CTCF: variants seen among roughly 807,000 people sequenced by gnomAD.
The protein encoded by CTCF is transcriptional repressor CTCF.
In CTCF, 7 loss-of-function variants were observed where a neutral mutation model predicts 72.3. The ratio of observed to expected loss-of-function variants is 0.10; its 90% CI spans 0.06 to 0.18. The LOEUF (loss-of-function observed/expected upper bound fraction) is 0.18, where lower values mean the gene tolerates loss of function less well. Ranked by LOEUF, CTCF falls within the 10% of genes least tolerant of loss-of-function variation. The pLI is 1.00. For missense variants in CTCF, 516 were observed against 949.1 expected (o/e 0.54, Z 6.00); for synonymous variants, 374 against 315.8 (o/e 1.18, Z -1.95).
At chr16:67,624,125 GTA>G (rs1157876040) in intron 7 of CTCF, among the ~76,000 whole-genome samples, 15 of 124,890 alleles carry the variant, frequency 1.2e-4, no homozygotes, top group African/African-American at 3.1e-4. Context: ...GTATGTGTGT[GTA>G]TATATATGTG....
chr16:67,602,720 A>C (rs1268409765), intron 2 of CTCF, among the ~76,000 whole-genome samples: 1 of 151,950 alleles, frequency 6.6e-6, no homozygotes, highest in African/African-American at 2.4e-5. Flanking sequence ...GCATGCCTGT[A>C]ATCCCAGCTA....
chr16:67,600,705 G>A (rs950020542), intron 2 of CTCF, among the ~76,000 whole-genome samples: 7 of 152,078 alleles, frequency 4.6e-5, no homozygotes, highest in South Asian at 2.1e-4. Context: ...ATAGAGCAAA[G>A]CCATATATAG....
At chr16:67,637,524 C>T (rs932488025) in intron 11 of CTCF, among the ~76,000 whole-genome samples, 164 bp from the exon 12 acceptor site, 1 of 152,138 alleles carries the variant, frequency 6.6e-6, no homozygotes, top group African/African-American at 2.4e-5. Context: ...GAGCAAGACT[C>T]CGTCTCAAAA....
intron 4 of CTCF, chr16:67,615,102 A>G (rs2052114226): frequency 6.6e-6 from 1 of 152,248 alleles, no homozygotes; most frequent in East Asian, 1.9e-4. Context: ...AAATCATGCT[A>G]CTGCACTACA....
intron 2 of CTCF, among the ~76,000 whole-genome samples, chr16:67,575,732 C>T (rs894309565): frequency 2.0e-5 from 3 of 152,106 alleles, no homozygotes; most frequent in East Asian, 1.9e-4. Flanking sequence ...CGTGAGCCAC[C>T]GCGCCCAGCC....
intron 2 of CTCF, among the ~76,000 whole-genome samples, chr16:67,584,337 C>CTT (rs904086024): frequency 0.023 from 2,383 of 105,798 alleles, 123 homozygotes; most frequent in African/African-American, 0.07. Flanking sequence ...AAAAAGTCTT[C>CTT]TTTTTTTTTT....
At chr16:67,632,186 T>C in intron 10 of CTCF, among the ~76,000 whole-genome samples, 1 of 152,028 alleles carries the variant, frequency 6.6e-6, no homozygotes, top group East Asian at 1.9e-4. Context: ...ACCTTGGGGA[T>C]CCCTATAGTT....
intron 4 of CTCF, 188 bp from the exon 5 acceptor site, chr16:67,616,557 G>A: frequency 1.6e-6 from 1 of 623,272 alleles, no homozygotes. Flanking sequence ...TAATATCCTG[G>A]TGTTAGTATA....
chr16:67,594,012 C>T (rs907971747), intron 2 of CTCF, among the ~76,000 whole-genome samples: 2 of 152,108 alleles, frequency 1.3e-5, no homozygotes, highest in Non-Finnish European at 2.9e-5. Flanking sequence ...TTAATATCTT[C>T]AAAAATTAGT....
intron 10 of CTCF, among the ~76,000 whole-genome samples, chr16:67,630,287 G>A (rs998963680): frequency 6.6e-6 from 1 of 152,158 alleles, no homozygotes; most frequent in African/African-American, 2.4e-5. Context: ...GACTGCCTGT[G>A]TCAGCCTAAC....
intron 2 of CTCF, among the ~76,000 whole-genome samples, chr16:67,580,051 G>A (rs1168184887): frequency 1.1e-4 from 16 of 152,156 alleles, no homozygotes; most frequent in Admixed American, 9.8e-4. Context: ...TTAGAAATCC[G>A]TGGCCGCTGT....
intron 8 of CTCF, chr16:67,627,142 C>T (rs905172341): frequency 4.6e-5 from 7 of 153,060 alleles, no homozygotes; most frequent in African/African-American, 1.7e-4. Context: ...ACCTGTAATC[C>T]TAGCACTTTG....
chr16:67,597,670 C>T (rs1182813148), intron 2 of CTCF, among the ~76,000 whole-genome samples: 1 of 152,198 alleles, frequency 6.6e-6, no homozygotes, highest in Admixed American at 6.6e-5. Flanking sequence ...ACAACAGATA[C>T]ATTCCAAATG....
At chr16:67,623,778 G>A (rs956425321) in intron 7 of CTCF, among the ~76,000 whole-genome samples, 8 of 149,394 alleles carry the variant, frequency 5.4e-5, no homozygotes, top group African/African-American at 1.2e-4. Flanking sequence ...AGCCGGGCAC[G>A]GTGGCTCACG....
chr16:67,625,482 G>T (rs2052270948), intron 7 of CTCF, among the ~76,000 whole-genome samples: 2 of 152,232 alleles, frequency 1.3e-5, no homozygotes, highest in Non-Finnish European at 2.9e-5. Flanking sequence ...TTACAGGCGT[G>T]AGCCACTGTG....
chr16:67,578,365 ACT>A (rs1484858612), intron 2 of CTCF, among the ~76,000 whole-genome samples: 12 of 108,562 alleles, frequency 1.1e-4, no homozygotes, highest in African/African-American at 3.7e-4. Flanking sequence ...CAGGGTTTTC[ACT>A]CTGTTGCCCA....
chr16:67,602,686 A>G (rs886084241), intron 2 of CTCF, among the ~76,000 whole-genome samples: 1 of 151,900 alleles, frequency 6.6e-6, no homozygotes, highest in Non-Finnish European at 1.5e-5. Context: ...TCCTAAAAAT[A>G]TAAAATTAGC....
chr16:67,590,691 T>C (rs2051730707), intron 2 of CTCF, among the ~76,000 whole-genome samples: 1 of 151,310 alleles, frequency 6.6e-6, no homozygotes, highest in Non-Finnish European at 1.5e-5. Flanking sequence ...GTGTGATGGC[T>C]CACACCTGTA....
chr16:67,584,656 G>A (rs2051644097), intron 2 of CTCF, among the ~76,000 whole-genome samples: 1 of 151,734 alleles, frequency 6.6e-6, no homozygotes, highest in African/African-American at 2.4e-5. Context: ...ACTGTAAAGT[G>A]GTGATACTGG....
Sources: gnomAD v4.1 joint callset for allele counts (sites outside exome capture counted in the v4.1 genomes callset) on GRCh38, gnomAD v4.1.1 for gene constraint, MANE v1.5 for transcripts, NCBI Gene and HGNC (gene_info 2026-07-23, HGNC 2026-07-21) for gene names.